Variants in MRPS5 observed in about 807,000 individuals in gnomAD.
The protein encoded by MRPS5 is mitochondrial ribosomal protein S5.
Under a neutral mutation model 51.9 loss-of-function variants are expected in MRPS5, and 27 were observed. The observed-to-expected ratio is 0.52, with a 90% CI of 0.38 to 0.72. The LOEUF is 0.72. Ranked by LOEUF, MRPS5 falls within the 30% of genes least tolerant of loss-of-function variation. The probability of loss-of-function intolerance (pLI) is 0.00; values close to 1 mark genes in which losing one functional copy is unlikely to be tolerated. For synonymous variants in MRPS5, 196 were observed against 193.2 expected (o/e 1.01, Z -0.12); for missense variants, 570 against 545.7 (o/e 1.04, Z -0.44).
Position 95,121,799 on chromosome 2 carries a change from T to G in MRPS5, c.-8A>C, listed in dbSNP as rs1363828837. 1.3e-6 allele frequency: 2 copies of G among 1,540,164 alleles called. No individual in the cohort carries two copies. The highest frequency in any genetic ancestry group is 1.9e-5 in the Admixed American group (1 of 52,312). Reference sequence around the variant, plus strand: ...GCGCACCGCGGTCGCCATGCTGGAGTCCGAGCCGCGCCTCGGCCTCCGCCC... The same window carrying G: ...GCGCACCGCGGTCGCCATGCTGGAGGCCGAGCCGCGCCTCGGCCTCCGCCC... On this transcript the variant is annotated 5_prime_UTR_variant, in exon 1 of 12. Coordinates refer to ENST00000272418, the MANE Select transcript of MRPS5 (RefSeq NM_031902.5).
chr2:95,089,545 G>T (rs1261922552), intron 11 of MRPS5, among the ~76,000 whole-genome samples: 1 of 152,186 alleles, frequency 6.6e-6, no homozygotes, highest in Non-Finnish European at 1.5e-5. Flanking sequence ...CCTCCATGGT[G>T]GGTGATTGGG....
At chr2:95,116,757 G>A (rs1447049881) in intron 2 of MRPS5, among the ~76,000 whole-genome samples, 1 of 152,238 alleles carries the variant, frequency 6.6e-6, no homozygotes, top group Admixed American at 6.5e-5. Context: ...AGTCCTTTGG[G>A]AGGCCAAGGC....
At chr2:95,107,629 AC>A (rs1427935012) in intron 5 of MRPS5, among the ~76,000 whole-genome samples, 16 of 152,112 alleles carry the variant, frequency 1.1e-4, no homozygotes, top group African/African-American at 3.9e-4. Context: ...CGAAACTCTT[AC>A]CTATTTCCTC....
intron 3 of MRPS5, among the ~76,000 whole-genome samples, chr2:95,112,262 A>C (rs1238048617): frequency 2.0e-5 from 3 of 152,036 alleles, no homozygotes; most frequent in Non-Finnish European, 2.9e-5. Flanking sequence ...ACGGGGTTTC[A>C]CCATATTGGT....
Position 95,104,657 on chromosome 2 carries a change from T to C in MRPS5, c.746A>G (p.Asn249Ser). The C allele has an allele frequency of 6.2e-7, 1 of 1,613,926 alleles. No homozygotes were observed. Among genetic ancestry groups the C allele is most frequent in the Non-Finnish European group, 8.5e-7 (1 of 1,179,902 alleles). Residue 249 changes from asparagine (N) to serine (S), a missense_variant, in exon 7 of 12, where the codon AAC (asparagine) becomes AGC (serine). Coordinates refer to ENST00000272418, the MANE Select transcript of MRPS5 (RefSeq NM_031902.5). ...CCATTCACCTGCAGCTCCTTTTCCGTTCCCCACAGCCACCAAGACACGGAT... is the reference window on the plus strand; with the variant it reads ...CCATTCACCTGCAGCTCCTTTTCCGCTCCCCACAGCCACCAAGACACGGAT... ...KSIRVLVAVG[N>S]GKGAAGFSIG...
At chr2:95,093,890 A>G (rs1303566189) in intron 10 of MRPS5, among the ~76,000 whole-genome samples, 1 of 152,238 alleles carries the variant, frequency 6.6e-6, no homozygotes, top group Non-Finnish European at 1.5e-5. Context: ...GACTTTGACA[A>G]GTTGGCAGAA....
intron 1 of MRPS5, among the ~76,000 whole-genome samples, chr2:95,120,509 T>C (rs116676054): frequency 0.013 from 2,008 of 152,342 alleles, 24 homozygotes; most frequent in Non-Finnish European, 0.019. Context: ...TAATGTTGGC[T>C]GCATTGCTCT....
At chr2:95,106,614 C>T (rs959775122) in intron 5 of MRPS5, 157 bp from the exon 6 acceptor site, 2 of 658,470 alleles carry the variant, frequency 3.0e-6, no homozygotes, top group African/African-American at 1.8e-5. Context: ...CACCCCTCAT[C>T]ACTAGAGACT....
chr2:95,116,915 C>T (rs552247129), intron 2 of MRPS5, among the ~76,000 whole-genome samples: 2 of 151,392 alleles, frequency 1.3e-5, no homozygotes, highest in African/African-American at 4.8e-5. Flanking sequence ...CCGATGAGGG[C>T]GGATCACTTG....
intron 3 of MRPS5, among the ~76,000 whole-genome samples, chr2:95,110,287 A>G (rs1676079908): frequency 6.6e-6 from 1 of 152,186 alleles, no homozygotes. Flanking sequence ...TTTTCCCTCT[A>G]ACTGCTTAAA....
At position 95,086,413 on chromosome 2, in the gene MRPS5, T is replaced by C. The variant is rs1217265340; in HGVS notation, c.*944A>G. Among the ~76,000 whole-genome samples, 1 of 152,138 alleles carries C rather than the reference T, an allele frequency of 6.6e-6. No individual in the cohort carries two copies. Among genetic ancestry groups the C allele is most frequent in the African/African-American group, 2.4e-5 (1 of 41,404 alleles). On this transcript the variant is annotated 3_prime_UTR_variant, in exon 12 of 12. Coordinates refer to ENST00000272418, the MANE Select transcript of MRPS5 (RefSeq NM_031902.5). ...AGTCAAAGTTAAAGTACTGCATGGA[T>C]GGTTCAAGAGCAGAATGGAAAGGAA...
At chr2:95,098,205 G>A (rs1291764785) in intron 10 of MRPS5, among the ~76,000 whole-genome samples, 2 of 152,210 alleles carry the variant, frequency 1.3e-5, no homozygotes, top group African/African-American at 4.8e-5. Context: ...TGCTGGAGAG[G>A]ATGTAAAGAA....
chr2:95,090,347 A>G, intron 11 of MRPS5, 39 bp downstream of exon 11: 1 of 1,607,154 alleles, frequency 6.2e-7, no homozygotes, highest in Non-Finnish European at 8.5e-7. Context: ...ACTGAAATAC[A>G]AACTAGAACC....
At chr2:95,108,145 C>G (rs767263358) in intron 5 of MRPS5, 30 bp downstream of exon 5, 2 of 1,594,872 alleles carry the variant, frequency 1.3e-6, no homozygotes, top group Non-Finnish European at 1.7e-6. Flanking sequence ...CTCTCTGTCA[C>G]AAAGGCAAAC....
At chr2:95,115,673 GAAGT>G (rs1247111033) in intron 2 of MRPS5, among the ~76,000 whole-genome samples, 1 of 152,182 alleles carries the variant, frequency 6.6e-6, no homozygotes, top group Non-Finnish European at 1.5e-5. Flanking sequence ...GACTAACCCA[GAAGT>G]ATGTAAGAAC....
intron 10 of MRPS5, chr2:95,091,825 C>A (rs1465284084): frequency 2.6e-5 from 4 of 152,244 alleles, no homozygotes; most frequent in Admixed American, 6.5e-5. Flanking sequence ...GTCCTCTGTT[C>A]TTCCAGGTGG....
At chr2:95,121,653 G>T in intron 1 of MRPS5, 81 bp downstream of exon 1, 1 of 1,445,516 alleles carries the variant, frequency 6.9e-7, no homozygotes, top group Non-Finnish European at 9.2e-7. Context: ...GCTTCCCTCC[G>T]CCCCGACTTC....
At chr2:95,091,930 C>T (rs1675478444) in intron 10 of MRPS5, 1 of 152,226 alleles carries the variant, frequency 6.6e-6, no homozygotes, top group African/African-American at 2.4e-5. Flanking sequence ...GAGAGAGGTA[C>T]ACGTGGAAGG....
chr2:95,117,900 G>A lies in MRPS5; in HGVS notation c.104C>T (p.Ala35Val), dbSNP rs372352363. 7 of 1,608,674 alleles carry A rather than the reference G, an allele frequency of 4.4e-6. No individual in the cohort carries two copies. In the African/African-American group the frequency reaches 6.7e-5, roughly 15 times the overall value. The stretch of plus-strand genomic sequence containing the variant: ...AACACTCTTCCATGCCAAAATGGAA[G>A]CTGCTGGTAAGGTGTTTAGGGAACA... The part of the protein sequence containing the change: ...RQCSLNTLPA[A>V]SILAWKSVLG... The change falls in exon 2 of 12, where the codon GCT becomes GTT. Residue 35 changes from alanine to valine, a missense_variant. Ala to Val is a moderately conservative substitution (Grantham distance 64). Coordinates refer to ENST00000272418, the MANE Select transcript of MRPS5 (RefSeq NM_031902.5).
Sources: gnomAD v4.1 joint callset for allele counts (sites outside exome capture counted in the v4.1 genomes callset) on GRCh38, gnomAD v4.1.1 for gene constraint, MANE v1.5 for transcripts, NCBI Gene and HGNC (gene_info 2026-07-23, HGNC 2026-07-21) for gene names.